LIMS1: variants seen among roughly 807,000 people sequenced by gnomAD.
LIMS1 encodes LIM and senescent cell antigen-like-containing domain protein 1.
Under a neutral mutation model 44.1 loss-of-function variants are expected in LIMS1, and 18 were observed. That is an observed-to-expected ratio of 0.41 (90% CI 0.28 to 0.61). LIMS1 has a LOEUF of 0.61. Among genes scored for constraint, LIMS1 ranks in the 20% least tolerant of loss-of-function variants. LIMS1 has a pLI of 0.32. For synonymous variants in LIMS1, 93 were observed against 149.1 expected, an observed-to-expected ratio of 0.62 and a Z score of 2.74; for missense variants, 201 against 422.0, an observed-to-expected ratio of 0.48 and a Z score of 4.59.
rs768101370 is a variant in LIMS1 at position 108,620,635 on chromosome 2, C to T, written c.33-38970C>T. ...CACCTTAAAGCCAACAGCATTGTGT[C>T]AGCCGGGGTGGCCTTTCCTACGAGA... On this transcript the variant is annotated intron_variant, in intron 1 of 9. Coordinates refer to ENST00000544547, the Ensembl canonical transcript of LIMS1. Among the ~76,000 whole-genome samples, 4 of 152,316 alleles carry T rather than the reference C, an allele frequency of 2.6e-5. No individual in the cohort carries two copies. The South Asian group carries it at 8.3e-4, about 32-fold the overall frequency.
intron 1 of LIMS1, among the ~76,000 whole-genome samples, chr2:108,590,708 T>C (rs1351393999): frequency 6.6e-6 from 1 of 152,140 alleles, no homozygotes; most frequent in Non-Finnish European, 1.5e-5. Context: ...CGAGCAAAGG[T>C]TTGCAGGTCA....
At chr2:108,557,485 A>G (rs992270592) in intron 1 of LIMS1, among the ~76,000 whole-genome samples, 1 of 152,030 alleles carries the variant, frequency 6.6e-6, no homozygotes, top group African/African-American at 2.4e-5. Flanking sequence ...GATCAGATTC[A>G]TATTTTACCC....
At chr2:108,588,637 G>A (rs1218348482) in intron 1 of LIMS1, 1 of 982,210 alleles carries the variant, frequency 1.0e-6, no homozygotes, top group East Asian at 1.1e-4. Flanking sequence ...GGGTATTGTT[G>A]TATTTCTGGA....
chr2:108,620,660 A>G (rs1051634570), intron 1 of LIMS1, among the ~76,000 whole-genome samples: 4 of 152,102 alleles, frequency 2.6e-5, no homozygotes, highest in Admixed American at 2.0e-4. Context: ...TTCCTACGAG[A>G]GGGCATTATT....
At chr2:108,566,697 A>G (rs991621689) in intron 1 of LIMS1, among the ~76,000 whole-genome samples, 2 of 152,054 alleles carry the variant, frequency 1.3e-5, no homozygotes, top group African/African-American at 4.8e-5. Context: ...CCTGGGTTCA[A>G]GCGATTCTCC....
At chr2:108,599,942 C>T (rs1221953966) in intron 1 of LIMS1, among the ~76,000 whole-genome samples, 1 of 151,498 alleles carries the variant, frequency 6.6e-6, no homozygotes, top group Non-Finnish European at 1.5e-5. Flanking sequence ...AACCCCTTGT[C>T]AGATGGTTAG....
At chr2:108,668,696 A>C (rs1363927877) in intron 2 of LIMS1, among the ~76,000 whole-genome samples, 1 of 152,222 alleles carries the variant, frequency 6.6e-6, no homozygotes. Context: ...TCTCTTCCAC[A>C]TACTGATTCC....
intron 1 of LIMS1, among the ~76,000 whole-genome samples, chr2:108,543,157 A>G (rs180779719): frequency 8.5e-5 from 13 of 152,332 alleles, no homozygotes; most frequent in African/African-American, 2.9e-4. Flanking sequence ...TTCACTGGGC[A>G]TGGTGGCTCA....
At chr2:108,551,945 G>GTATATATA (rs1354548064) in intron 1 of LIMS1, among the ~76,000 whole-genome samples, 1 of 96,352 alleles carries the variant, frequency 1.0e-5, no homozygotes, top group African/African-American at 3.5e-5. Flanking sequence ...GTGTGTGTGT[G>GTATATATA]TGTGTGTGTA....
chr2:108,629,750 TG>T (rs1250418122), intron 1 of LIMS1, among the ~76,000 whole-genome samples: 1 of 152,186 alleles, frequency 6.6e-6, no homozygotes, highest in Non-Finnish European at 1.5e-5. Context: ...CTGTGGATTG[TG>T]GTATGTGAAA....
chr2:108,590,418 G>A (rs1686323776), intron 1 of LIMS1, among the ~76,000 whole-genome samples: 2 of 152,166 alleles, frequency 1.3e-5, no homozygotes, highest in Admixed American at 1.3e-4. Flanking sequence ...TTTTTAGTTT[G>A]CAAACAACAA....
At chr2:108,553,454 G>A (rs1684826234) in intron 1 of LIMS1, among the ~76,000 whole-genome samples, 1 of 152,124 alleles carries the variant, frequency 6.6e-6, no homozygotes, top group Admixed American at 6.6e-5. Context: ...AGTGGATTCT[G>A]GGCTAAAGTT....
chr2:108,660,481 T>G (rs1691283880), intron 2 of LIMS1: 1 of 368,834 alleles, frequency 2.7e-6, no homozygotes, highest in East Asian at 7.2e-5. Flanking sequence ...TAGCCCAGGC[T>G]AGAGTGTAGT....
intron 1 of LIMS1, among the ~76,000 whole-genome samples, chr2:108,631,074 G>A (rs1229924415): frequency 1.3e-5 from 2 of 152,236 alleles, no homozygotes; most frequent in Admixed American, 6.5e-5. Flanking sequence ...CTTACAGAGT[G>A]TGGGACACTT....
intron 2 of LIMS1, among the ~76,000 whole-genome samples, chr2:108,663,342 G>A (rs1691503186): frequency 1.3e-5 from 2 of 151,872 alleles, no homozygotes; most frequent in Non-Finnish European, 2.9e-5. Flanking sequence ...GGCTGGTCTC[G>A]AACTCCTGAG....
At chr2:108,652,928 A>T (rs1293589195) in intron 1 of LIMS1, among the ~76,000 whole-genome samples, 1 of 152,130 alleles carries the variant, frequency 6.6e-6, no homozygotes, top group Non-Finnish European at 1.5e-5. Flanking sequence ...TAAAAAAAAA[A>T]CCTAAAAAAT....
intron 1 of LIMS1, among the ~76,000 whole-genome samples, chr2:108,615,465 G>A (rs1476880448): frequency 5.3e-5 from 8 of 152,094 alleles, no homozygotes; most frequent in Non-Finnish European, 1.5e-5. Context: ...GGGTCGGGTG[G>A]GGGGTATGGT....
intron 1 of LIMS1, among the ~76,000 whole-genome samples, chr2:108,564,644 A>T (rs771799662): frequency 6.6e-6 from 1 of 152,246 alleles, no homozygotes; most frequent in Admixed American, 6.5e-5. Context: ...TGCTTTTACC[A>T]TTATGCTGTG....
At chr2:108,549,296 T>C (rs1472063915) in intron 1 of LIMS1, among the ~76,000 whole-genome samples, 1 of 124,068 alleles carries the variant, frequency 8.1e-6, no homozygotes, top group African/African-American at 3.1e-5. Context: ...TTTTTTTTTT[T>C]TTTTTTTTTT....
Sources: allele counts gnomAD v4.1 joint callset (sites outside exome capture counted in the v4.1 genomes callset), GRCh38; gene constraint gnomAD v4.1.1; transcripts MANE v1.5; gene names NCBI Gene and HGNC (gene_info 2026-07-23, HGNC 2026-07-21).